TMEM63C: variants seen among roughly 807,000 people sequenced by gnomAD.
TMEM63C encodes the protein transmembrane protein 63C, also known as osmosensitive cation channel TMEM63C.
Under a neutral mutation model 99.2 loss-of-function variants are expected in TMEM63C, and 32 were observed. The ratio of observed to expected loss-of-function variants is 0.32; its 90% CI spans 0.24 to 0.43. The LOEUF is 0.43. TMEM63C is among the 20% of genes least tolerant of loss of function. TMEM63C has a pLI of 1.00. For synonymous variants in TMEM63C, 376 were observed against 397.9 expected, an observed-to-expected ratio of 0.94 and a Z score of 0.66; for missense variants, 826 against 1,053.0, an observed-to-expected ratio of 0.78 and a Z score of 2.98.
At chr14:77,191,724 A>G (rs1443416721) in intron 1 of TMEM63C, among the ~76,000 whole-genome samples, 1 of 150,654 alleles carries the variant, frequency 6.6e-6, no homozygotes. Flanking sequence ...TTGCATTTTT[A>G]GTAGAGATGG....
At chr14:77,201,656 A>G (rs922339966) in intron 1 of TMEM63C, among the ~76,000 whole-genome samples, 2 of 152,184 alleles carry the variant, frequency 1.3e-5, no homozygotes, top group African/African-American at 4.8e-5. Context: ...GGGCCCAGCG[A>G]TCTGTGATGT....
At chr14:77,251,636 T>C in intron 21 of TMEM63C, 153 bp from the exon 22 acceptor site, 1 of 631,042 alleles carries the variant, frequency 1.6e-6, no homozygotes, top group Non-Finnish European at 2.8e-6. Context: ...ATGATGTTAT[T>C]TTGTCAGACT....
At chr14:77,210,456 A>G (rs1888476728) in intron 1 of TMEM63C, among the ~76,000 whole-genome samples, 2 of 152,218 alleles carry the variant, frequency 1.3e-5, no homozygotes, top group African/African-American at 4.8e-5. Context: ...TGAGGATGGT[A>G]TGGGGCAGGG....
intron 7 of TMEM63C, among the ~76,000 whole-genome samples, chr14:77,232,280 T>A (rs1888957010): frequency 2.0e-5 from 3 of 152,048 alleles, no homozygotes; most frequent in Non-Finnish European, 4.4e-5. Flanking sequence ...TTTTATATTT[T>A]ATTTATTTAT....
At chr14:77,221,878 C>T (rs566293983) in intron 5 of TMEM63C, among the ~76,000 whole-genome samples, 12 of 151,946 alleles carry the variant, frequency 7.9e-5, no homozygotes, top group African/African-American at 2.4e-4. Flanking sequence ...AGGTGCTCTC[C>T]GTTGCATAGG....
chr14:77,215,208 T>A (rs1323745180), intron 2 of TMEM63C, among the ~76,000 whole-genome samples: 2 of 152,066 alleles, frequency 1.3e-5, no homozygotes, highest in Non-Finnish European at 2.9e-5. Flanking sequence ...TCCCCTAGAC[T>A]TCTATTTCTA....
chr14:77,248,310 G>C, intron 18 of TMEM63C, 37 bp from the exon 19 acceptor site: 1 of 1,561,816 alleles, frequency 6.4e-7, no homozygotes, highest in Non-Finnish European at 8.7e-7. Context: ...TCTCCCTGTG[G>C]CTTCTGTTGC....
At chr14:77,224,634 A>G (rs1196364689) in intron 5 of TMEM63C, among the ~76,000 whole-genome samples, 1 of 152,006 alleles carries the variant, frequency 6.6e-6, no homozygotes, top group East Asian at 1.9e-4. Context: ...CCCATGGCTA[A>G]GGCCACCTTT....
At chr14:77,201,639 T>G (rs1168180926) in intron 1 of TMEM63C, among the ~76,000 whole-genome samples, 1 of 152,214 alleles carries the variant, frequency 6.6e-6, no homozygotes, top group Admixed American at 6.5e-5. Context: ...GCAGAAACCC[T>G]GGGGCAGGGC....
intron 2 of TMEM63C, among the ~76,000 whole-genome samples, chr14:77,216,919 A>G (rs1309489005): frequency 2.0e-5 from 3 of 152,140 alleles, no homozygotes; most frequent in Non-Finnish European, 4.4e-5. Flanking sequence ...TAATCCCAGC[A>G]CTTTGGGAGT....
In TMEM63C at chr14:77,242,477, T is replaced by C; in HGVS notation, c.1187+8T>C. 6.2e-7 allele frequency: 1 copy of C among 1,613,180 alleles called. No homozygotes were observed. Among genetic ancestry groups the C allele is most frequent in the Non-Finnish European group, 8.5e-7 (1 of 1,179,502 alleles). On this transcript the variant is annotated splice_region_variant and intron_variant, in intron 14 of 23. Coordinates refer to ENST00000298351, the MANE Select transcript of TMEM63C (RefSeq NM_020431.4). ...CCCCAAAGACATTATTTGGTAAGCC[T>C]CCTCCATCCCTCCCCTCTCCTCTGA...
intron 1 of TMEM63C, among the ~76,000 whole-genome samples, chr14:77,190,865 T>C (rs1467231822): frequency 6.6e-6 from 1 of 152,192 alleles, no homozygotes; most frequent in Non-Finnish European, 1.5e-5. Context: ...AATTCTTTAA[T>C]ACCACTCTAG....
intron 1 of TMEM63C, among the ~76,000 whole-genome samples, chr14:77,203,870 TC>T (rs1303559570): frequency 6.6e-6 from 1 of 152,234 alleles, no homozygotes; most frequent in Non-Finnish European, 1.5e-5. Context: ...GGTAGGCACC[TC>T]CCCATTGGCA....
chr14:77,211,026 G>T (rs913566025), intron 1 of TMEM63C, among the ~76,000 whole-genome samples: 24 of 152,206 alleles, frequency 1.6e-4, no homozygotes, highest in African/African-American at 5.8e-4. Flanking sequence ...GGAGCAGACT[G>T]GGCCCTGGGC....
chr14:77,248,682 T>C lies in TMEM63C; in HGVS notation c.1765-85T>C, dbSNP rs1239254559. 24 of 1,501,266 alleles carry C rather than the reference T, an allele frequency of 1.6e-5. No homozygotes were observed. In the East Asian group the frequency reaches 5.2e-4, roughly 32 times the overall value. 93.0% of individuals were successfully genotyped at this position (1,501,266 alleles called of 1,614,324 possible). On this transcript the variant is annotated intron_variant, in intron 19 of 23. Coordinates refer to ENST00000298351, the MANE Select transcript of TMEM63C (RefSeq NM_020431.4). Reference sequence around the variant, plus strand: ...AAGGAGGCTGCCTCCAGGCCTGAGCTGCCAGGAGGCTGATGAGGAGCCACA... The same window carrying C: ...AAGGAGGCTGCCTCCAGGCCTGAGCCGCCAGGAGGCTGATGAGGAGCCACA...
intron 1 of TMEM63C, among the ~76,000 whole-genome samples, chr14:77,186,767 A>G (rs1888001077): frequency 1.1e-5 from 1 of 87,666 alleles, no homozygotes; most frequent in Non-Finnish European, 2.6e-5. Flanking sequence ...ATCTTCTCAG[A>G]ACCAAAGGGG....
intron 1 of TMEM63C, among the ~76,000 whole-genome samples, chr14:77,184,259 C>T (rs1177421124): frequency 6.6e-6 from 1 of 152,006 alleles, no homozygotes; most frequent in African/African-American, 2.4e-5. Context: ...GCAGGTCAGC[C>T]CTCCCCAGCC....
chr14:77,205,128 G>A (rs1888372748), intron 1 of TMEM63C, among the ~76,000 whole-genome samples: 2 of 152,256 alleles, frequency 1.3e-5, no homozygotes, highest in Admixed American at 6.5e-5. Context: ...GTGGCAGGAG[G>A]GAAGGTGGCA....
intron 1 of TMEM63C, among the ~76,000 whole-genome samples, chr14:77,209,818 C>T (rs1888464819): frequency 6.6e-6 from 1 of 152,092 alleles, no homozygotes; most frequent in Non-Finnish European, 1.5e-5. Flanking sequence ...CAGAGGGTAC[C>T]ATGAGGAAGT....
Sources: allele counts gnomAD v4.1 joint callset (sites outside exome capture counted in the v4.1 genomes callset), GRCh38; gene constraint gnomAD v4.1.1; transcripts MANE v1.5; gene names NCBI Gene and HGNC (gene_info 2026-07-23, HGNC 2026-07-21).